CNTNAP2: variants seen among roughly 807,000 people sequenced by gnomAD.
The protein encoded by CNTNAP2 is contactin-associated protein-like 2.
A neutral mutation model predicts 155.2 loss-of-function variants in CNTNAP2; 98 were observed. The ratio of observed to expected loss-of-function variants is 0.63; its 90% confidence interval spans 0.54 to 0.75. The LOEUF (loss-of-function observed/expected upper bound fraction) is 0.75, where lower values mean the gene tolerates loss of function less well. CNTNAP2 is among the 30% of genes least tolerant of loss of function. The pLI is 0.00. For synonymous variants in CNTNAP2, 651 were observed against 631.2 expected, an observed-to-expected ratio of 1.03 and a Z score of -0.47; for missense variants, 1,727 against 1,688.1, an observed-to-expected ratio of 1.02 and a Z score of -0.40.
chr7:146,746,149 T>A (rs1801806603), intron 1 of CNTNAP2, among the ~76,000 whole-genome samples: 1 of 152,240 alleles, frequency 6.6e-6, no homozygotes, highest in South Asian at 2.1e-4. Flanking sequence ...CTTTTTTAGA[T>A]CTTGTTAATT....
chr7:147,266,888 A>G (rs1435412214), intron 8 of CNTNAP2, among the ~76,000 whole-genome samples: 4 of 152,188 alleles, frequency 2.6e-5, no homozygotes, highest in East Asian at 3.9e-4. Flanking sequence ...TAGAATACTT[A>G]TTTCATTTTC....
At chr7:146,537,761 A>G (rs1797891594) in intron 1 of CNTNAP2, among the ~76,000 whole-genome samples, 1 of 152,102 alleles carries the variant, frequency 6.6e-6, no homozygotes. Context: ...TGCCTGAGGT[A>G]GGCATTCATT....
chr7:147,061,216 T>C (rs917448990), intron 4 of CNTNAP2, among the ~76,000 whole-genome samples: 1 of 152,140 alleles, frequency 6.6e-6, no homozygotes, highest in Non-Finnish European at 1.5e-5. Flanking sequence ...GTACTTACAG[T>C]CAGAAATAAT....
intron 1 of CNTNAP2, among the ~76,000 whole-genome samples, chr7:146,308,609 A>T (rs1041306814): frequency 1.3e-5 from 2 of 152,186 alleles, no homozygotes; most frequent in Non-Finnish European, 2.9e-5. Context: ...CTGGATTAAG[A>T]AAATGTGGCA....
At chr7:146,475,196 A>G (rs1316884577) in intron 1 of CNTNAP2, among the ~76,000 whole-genome samples, 1 of 152,190 alleles carries the variant, frequency 6.6e-6, no homozygotes, top group Non-Finnish European at 1.5e-5. Context: ...ATTCTAATAT[A>G]TTGGGTATGT....
At chr7:146,135,450 C>T (rs1797783808) in intron 1 of CNTNAP2, among the ~76,000 whole-genome samples, 1 of 152,052 alleles carries the variant, frequency 6.6e-6, no homozygotes, top group South Asian at 2.1e-4. Flanking sequence ...GTTTTTAAAT[C>T]TATGATTCTA....
intron 10 of CNTNAP2, among the ~76,000 whole-genome samples, chr7:147,455,608 A>G (rs563773562): frequency 6.6e-6 from 1 of 152,294 alleles, no homozygotes; most frequent in East Asian, 1.9e-4. Context: ...AAACTATTCC[A>G]GAGAATAGAA....
At chr7:146,541,922 T>C (rs1797959409) in intron 1 of CNTNAP2, among the ~76,000 whole-genome samples, 1 of 151,994 alleles carries the variant, frequency 6.6e-6, no homozygotes, top group South Asian at 2.1e-4. Context: ...TTAATGTTCT[T>C]AGTAACAAAA....
intron 1 of CNTNAP2, among the ~76,000 whole-genome samples, chr7:146,575,895 T>A (rs1227029814): frequency 6.6e-6 from 1 of 152,076 alleles, no homozygotes; most frequent in Non-Finnish European, 1.5e-5. Context: ...ACCGAAAGGC[T>A]TACGAAAAAG....
intron 13 of CNTNAP2, among the ~76,000 whole-genome samples, chr7:147,644,391 C>G (rs1795332174): frequency 6.6e-6 from 1 of 152,154 alleles, no homozygotes; most frequent in African/African-American, 2.4e-5. Context: ...GAGGCCAAGG[C>G]AGGTGGATCA....
intron 1 of CNTNAP2, among the ~76,000 whole-genome samples, chr7:146,306,627 T>C (rs1178955994): frequency 6.6e-6 from 1 of 151,908 alleles, no homozygotes; most frequent in Non-Finnish European, 1.5e-5. Context: ...ATCATATAAA[T>C]AGAACCAAAG....
At position 146,901,870 on chromosome 7, in the gene CNTNAP2, C is replaced by CTTTT. The variant is rs71165048; in HGVS notation, c.402+61986_402+61989dup. On this transcript the variant is annotated intron_variant, in intron 3 of 23. Transcript: ENST00000361727. ...TACAGTTTTTCTTGCATATATGCTCCTTTTTTTTTTTTTTTTTTTTTTTGA... is the reference window on the plus strand; with the variant it reads ...TACAGTTTTTCTTGCATATATGCTCCTTTTTTTTTTTTTTTTTTTTTTTTTTTGA... Among the ~76,000 whole-genome samples the CTTTT allele has an allele frequency of 3.5e-3, 311 of 88,238 alleles. 2 individuals carry two copies. The highest frequency in any genetic ancestry group is 4.1e-3 in the Non-Finnish European group (186 of 45,282). 57.9% of individuals were successfully genotyped at this position (88,238 alleles called of 152,430 possible).
At chr7:146,441,875 G>A (rs1364453378) in intron 1 of CNTNAP2, among the ~76,000 whole-genome samples, 4 of 151,610 alleles carry the variant, frequency 2.6e-5, no homozygotes, top group Non-Finnish European at 5.9e-5. Context: ...ACAAACAAAA[G>A]AGGGTAAAAT....
At chr7:146,134,135 T>A (rs1358573805) in intron 1 of CNTNAP2, among the ~76,000 whole-genome samples, 1 of 151,672 alleles carries the variant, frequency 6.6e-6, no homozygotes, top group Non-Finnish European at 1.5e-5. Flanking sequence ...TTCACATCCC[T>A]TGTAAGTTGG....
intron 1 of CNTNAP2, among the ~76,000 whole-genome samples, chr7:146,740,047 G>C (rs575449744): frequency 6.6e-6 from 1 of 151,914 alleles, no homozygotes; most frequent in Non-Finnish European, 1.5e-5. Context: ...GGCAAAGTGA[G>C]TTTCCCATAG....
rs182622632 is a variant in CNTNAP2 at position 147,091,231 on chromosome 7, C to T, written c.551-16916C>T. Among the ~76,000 whole-genome samples the T allele has an allele frequency of 2.6e-5, 4 of 152,162 alleles. No individual in the cohort carries two copies. In the East Asian group the frequency reaches 7.8e-4, roughly 30 times the overall value. On this transcript the variant is annotated intron_variant, in intron 4 of 23. Coordinates refer to ENST00000361727, the MANE Select transcript of CNTNAP2 (RefSeq NM_014141.6). ...TGGGCAAATAAACCAAGCCTAGATC[C>T]TGATCTCTGGGCTCAGAGCCAATGC... is the stretch of plus-strand genomic sequence containing the variant.
intron 9 of CNTNAP2, among the ~76,000 whole-genome samples, chr7:147,394,408 A>G (rs1446473904): frequency 6.6e-6 from 1 of 151,996 alleles, no homozygotes; most frequent in Admixed American, 6.6e-5. Context: ...TATCCATTTA[A>G]TGGAACTTTG....
intron 13 of CNTNAP2, among the ~76,000 whole-genome samples, chr7:147,797,100 G>C (rs568089320): frequency 6.6e-6 from 1 of 152,224 alleles, no homozygotes; most frequent in African/African-American, 2.4e-5. Flanking sequence ...GTCCCACCCT[G>C]ATACCATGCT....
At chr7:147,730,112 C>G (rs902464385) in intron 13 of CNTNAP2, among the ~76,000 whole-genome samples, 1 of 152,106 alleles carries the variant, frequency 6.6e-6, no homozygotes, top group Non-Finnish European at 1.5e-5. Context: ...GTTAGCACAT[C>G]TGATCATTTA....
Sources: allele counts gnomAD v4.1 joint callset (sites outside exome capture counted in the v4.1 genomes callset), GRCh38; gene constraint gnomAD v4.1.1; transcripts MANE v1.5; gene names NCBI Gene and HGNC (gene_info 2026-07-23, HGNC 2026-07-21).